ELAC1: variants seen among roughly 807,000 people sequenced by gnomAD.
ELAC1 encodes elaC ribonuclease Z 1, also known as zinc phosphodiesterase ELAC protein 1.
Under a neutral mutation model 25.8 loss-of-function variants are expected in ELAC1, and 19 were observed. The ratio of observed to expected loss-of-function variants is 0.74; its 90% confidence interval spans 0.51 to 1.08. The LOEUF is 1.08. ELAC1 is among the 50% of genes least tolerant of loss of function. ELAC1 has a pLI of 0.00. For missense variants in ELAC1, 403 were observed against 434.6 expected (o/e 0.93, Z 0.65); for synonymous variants, 148 against 160.9 (o/e 0.92, Z 0.61).
At chr18:50,983,155 GTTTTTTTTTT>G (rs552455433) in intron 2 of ELAC1, among the ~76,000 whole-genome samples, 5 of 60,862 alleles carry the variant, frequency 8.2e-5, no homozygotes, top group South Asian at 6.1e-4. Context: ...TTTACTTGGT[GTTTTTTTTTT>G]TTTTTTTTTT....
intron 2 of ELAC1, among the ~76,000 whole-genome samples, chr18:50,981,202 A>C (rs987554597): frequency 6.6e-6 from 1 of 150,518 alleles, no homozygotes; most frequent in Non-Finnish European, 1.5e-5. Flanking sequence ...ATGATTTTTT[A>C]AATGATATAA....
chr18:50,983,181 T>TTTTTTTA (rs1908005334), intron 2 of ELAC1, among the ~76,000 whole-genome samples: 1 of 143,974 alleles, frequency 6.9e-6, no homozygotes, highest in Non-Finnish European at 1.5e-5. Context: ...TTTTTTTTTT[T>TTTTTTTA]GAGACAGTTT....
At chr18:50,969,701 A>T (rs558857105) in intron 1 of ELAC1, 1 of 152,228 alleles carries the variant, frequency 6.6e-6, no homozygotes, top group African/African-American at 2.4e-5. Flanking sequence ...CGTTTGTCTT[A>T]TCAAGTATTC....
chr18:50,975,918 G>A (rs567889382), intron 2 of ELAC1, among the ~76,000 whole-genome samples: 74 of 152,318 alleles, frequency 4.9e-4, no homozygotes, highest in Admixed American at 1.0e-3. Flanking sequence ...TAGGATCCAA[G>A]AGATTCATAG....
At chr18:50,972,760 G>A (rs1907700363) in intron 1 of ELAC1, among the ~76,000 whole-genome samples, 1 of 152,188 alleles carries the variant, frequency 6.6e-6, no homozygotes, top group African/African-American at 2.4e-5. Flanking sequence ...TGGGATAACA[G>A]GCATGAGCCA....
At chr18:50,975,478 C>T (rs1164590904) in intron 2 of ELAC1, among the ~76,000 whole-genome samples, 1 of 151,308 alleles carries the variant, frequency 6.6e-6, no homozygotes, top group Non-Finnish European at 1.5e-5. Flanking sequence ...TCTTTATCTC[C>T]CTATACTGTA....
At chr18:50,972,734 C>T (rs1390750940) in intron 1 of ELAC1, among the ~76,000 whole-genome samples, 2 of 152,180 alleles carry the variant, frequency 1.3e-5, no homozygotes, top group African/African-American at 4.8e-5. Context: ...CCACCCTCCT[C>T]AGCCTCCCAA....
chr18:50,977,810 A>G (rs1007435289), intron 2 of ELAC1, among the ~76,000 whole-genome samples: 4 of 152,084 alleles, frequency 2.6e-5, no homozygotes, highest in Non-Finnish European at 5.9e-5. Flanking sequence ...ACAATTCCAA[A>G]CCATATCTTT....
At chr18:50,980,841 ACT>A (rs1171674180) in intron 2 of ELAC1, among the ~76,000 whole-genome samples, 1 of 151,228 alleles carries the variant, frequency 6.6e-6, no homozygotes, top group Non-Finnish European at 1.5e-5. Context: ...ATTACCTGTG[ACT>A]CTCTAGTACT....
chr18:50,977,288 G>A (rs1907818748), intron 2 of ELAC1, among the ~76,000 whole-genome samples: 1 of 152,222 alleles, frequency 6.6e-6, no homozygotes, highest in South Asian at 2.1e-4. Context: ...GGTTCTTTGT[G>A]AGGGCTCCAC....
At chr18:50,982,778 T>A (rs620898) in intron 2 of ELAC1, among the ~76,000 whole-genome samples, 77,261 of 151,996 alleles carry the variant, frequency 0.51, 21,341 homozygotes, top group African/African-American at 0.74. Context: ...GCATTCTGCC[T>A]TCTGTTGCCC....
chr18:50,970,751 G>A, intron 1 of ELAC1, among the ~76,000 whole-genome samples: 1 of 149,472 alleles, frequency 6.7e-6, no homozygotes, highest in Non-Finnish European at 1.5e-5. Flanking sequence ...AAAATAAAAT[G>A]CCACTCATTG....
intron 3 of ELAC1, among the ~76,000 whole-genome samples, chr18:50,986,358 A>G (rs535190643): frequency 9.8e-5 from 15 of 152,352 alleles, no homozygotes; most frequent in Non-Finnish European, 2.2e-4. Flanking sequence ...AGTGACTACA[A>G]TAAGGTCCTA....
At chr18:50,979,790 G>T (rs552534052) in intron 2 of ELAC1, among the ~76,000 whole-genome samples, 1 of 151,940 alleles carries the variant, frequency 6.6e-6, no homozygotes, top group Non-Finnish European at 1.5e-5. Context: ...GCAGTGGTGC[G>T]ATCTCGGCTC....
In ELAC1 at chr18:50,968,091, C is replaced by G. The variant is rs1017711959; in HGVS notation, c.-32C>G. On this transcript the variant is annotated 5_prime_UTR_variant, in exon 1 of 4. Transcript: ENST00000269466. ...GTGCGGGCCTGCGCCTCCCTCGGCT[C>G]CTGGCGCGGGCCTCGGGGAGAGGGT... The G allele has an allele frequency of 6.6e-6, 1 of 152,062 alleles. No homozygotes were observed. Among genetic ancestry groups the G allele is most frequent in the Non-Finnish European group, 1.5e-5 (1 of 68,020 alleles). 9.4% of individuals were successfully genotyped at this position (152,062 alleles called of 1,614,324 possible).
chr18:50,971,763 T>G (rs994130540), intron 1 of ELAC1, among the ~76,000 whole-genome samples: 8 of 151,504 alleles, frequency 5.3e-5, no homozygotes, highest in Non-Finnish European at 1.2e-4. Context: ...TTTATTAACT[T>G]AAATTTTTTA....
chr18:50,976,661 T>C (rs1291882976), intron 2 of ELAC1, among the ~76,000 whole-genome samples: 1 of 152,178 alleles, frequency 6.6e-6, no homozygotes, highest in African/African-American at 2.4e-5. Context: ...ATTCCACCCC[T>C]GACTCCTCCA....
chr18:50,983,896 A>T (rs556592302), intron 2 of ELAC1, among the ~76,000 whole-genome samples, 200 bp from the exon 3 acceptor site: 16 of 151,820 alleles, frequency 1.1e-4, no homozygotes, highest in Middle Eastern at 3.4e-3. Context: ...ACAAAAAACC[A>T]CCTGGTGAAA....
At chr18:50,970,394 A>T (rs1325844044) in intron 1 of ELAC1, among the ~76,000 whole-genome samples, 2 of 152,234 alleles carry the variant, frequency 1.3e-5, no homozygotes, top group African/African-American at 4.8e-5. Flanking sequence ...ATTTGCCTTT[A>T]CAAATGTTAA....
Sources: allele counts gnomAD v4.1 joint callset (sites outside exome capture counted in the v4.1 genomes callset), GRCh38; gene constraint gnomAD v4.1.1; transcripts MANE v1.5; gene names NCBI Gene and HGNC (gene_info 2026-07-23, HGNC 2026-07-21).